ATP8A1: variants seen among roughly 807,000 people sequenced by gnomAD.
ATP8A1 encodes the protein ATPase phospholipid transporting 8A1, also known as phospholipid-transporting ATPase IA.
ATP8A1 carries 90 observed loss-of-function variants against 177.7 expected under a neutral mutation model. The ratio of observed to expected loss-of-function variants is 0.51; its 90% CI spans 0.43 to 0.60. The LOEUF is 0.60. Among genes scored for constraint, ATP8A1 ranks in the 20% least tolerant of loss-of-function variants. The pLI is 0.00. For synonymous variants in ATP8A1, 493 were observed against 485.9 expected, an observed-to-expected ratio of 1.01 and a Z score of -0.19; for missense variants, 1,072 against 1,392.8, an observed-to-expected ratio of 0.77 and a Z score of 3.67.
chr4:42,436,463 T>G (rs1338185489), intron 33 of ATP8A1, among the ~76,000 whole-genome samples: 1 of 152,244 alleles, frequency 6.6e-6, no homozygotes, highest in African/African-American at 2.4e-5. Flanking sequence ...ACGTTTGTCA[T>G]ACCCATGTCT....
At chr4:42,546,847 G>A (rs1356439240) in intron 19 of ATP8A1, among the ~76,000 whole-genome samples, 1 of 152,132 alleles carries the variant, frequency 6.6e-6, no homozygotes, top group African/African-American at 2.4e-5. Flanking sequence ...CTGGCTCTGT[G>A]CTATGACCCT....
rs141887121 is a variant in ATP8A1, at chr4:42,532,959, AAC to A, written c.1723-8114_1723-8113del. ...TGTACGCCTATCCCAAACCTATGAG[AAC>A]TAATGATAATCCCACCACCCTTTGC... is the stretch of plus-strand genomic sequence containing the variant. On this transcript the variant is annotated intron_variant, in intron 20 of 36. Transcript: ENST00000381668. Among the ~76,000 whole-genome samples the A allele has an allele frequency of 3.7e-3, 558 of 152,294 alleles. 3 individuals carry two copies. The highest frequency in any genetic ancestry group is 0.013 in the African/African-American group (532 of 41,556).
chr4:42,563,403 A>G (rs973717556), intron 15 of ATP8A1, among the ~76,000 whole-genome samples: 4 of 152,250 alleles, frequency 2.6e-5, no homozygotes, highest in Non-Finnish European at 1.5e-5. Flanking sequence ...ATTTAGTTTT[A>G]TAAGAGAAGC....
intron 20 of ATP8A1, among the ~76,000 whole-genome samples, chr4:42,542,594 G>GC (rs1396528819): frequency 6.6e-6 from 1 of 151,712 alleles, no homozygotes; most frequent in Admixed American, 6.6e-5. Context: ...CCCTCCCTCA[G>GC]CCCCCCACCC....
intron 16 of ATP8A1, among the ~76,000 whole-genome samples, chr4:42,554,260 A>C (rs1318130162): frequency 1.3e-5 from 2 of 152,190 alleles, no homozygotes; most frequent in Non-Finnish European, 2.9e-5. Flanking sequence ...GGTGAAAATG[A>C]GGATTAACTG....
rs553461553 is a variant in ATP8A1 at position 42,573,707 on chromosome 4, T to A, written c.1295+912A>T. Among the ~76,000 whole-genome samples the A allele has an allele frequency of 9.2e-5, 14 of 152,300 alleles. No individual in the cohort carries two copies. In the South Asian group the frequency reaches 2.9e-3, roughly 32 times the overall value. On this transcript the variant is annotated intron_variant, in intron 14 of 36. Coordinates refer to ENST00000381668, the MANE Select transcript of ATP8A1 (RefSeq NM_006095.2). ...CTTTTGGGATTTTTCATGAAATGTT[T>A]ACTTATTTATAATTTTAACTAAGGC... is the stretch of plus-strand genomic sequence containing the variant.
At chr4:42,495,020 A>C (rs1723121575) in intron 24 of ATP8A1, among the ~76,000 whole-genome samples, 1 of 152,238 alleles carries the variant, frequency 6.6e-6, no homozygotes, top group Admixed American at 6.5e-5. Flanking sequence ...TCTACTATAA[A>C]TTAATTTAAA....
In ATP8A1 at chr4:42,521,247, T is replaced by A. The variant is rs564596359; in HGVS notation, c.1947+913A>T. Among the ~76,000 whole-genome samples, 8 of 152,306 alleles carry A rather than the reference T, an allele frequency of 5.3e-5. No homozygotes were observed. The South Asian group carries it at 1.5e-3, about 28-fold the overall frequency. ...AAGCTAGAGGTTAGAATGAAGTCAC[T>A]TGAATGATTTAGAGCATGAATACTG... On this transcript the variant is annotated intron_variant, in intron 22 of 36. Transcript: ENST00000381668.
chr4:42,436,590 T>C (rs1716026930), intron 33 of ATP8A1, among the ~76,000 whole-genome samples: 1 of 152,214 alleles, frequency 6.6e-6, no homozygotes, highest in Non-Finnish European at 1.5e-5. Flanking sequence ...CATTTACTGT[T>C]GGGGGCATGA....
At chr4:42,442,803 A>G (rs1249287685) in intron 33 of ATP8A1, among the ~76,000 whole-genome samples, 1 of 152,222 alleles carries the variant, frequency 6.6e-6, no homozygotes. Context: ...AAAACAATGT[A>G]CTGTCACGGA....
chr4:42,476,970 T>A (rs1721132617), intron 25 of ATP8A1, among the ~76,000 whole-genome samples: 1 of 152,246 alleles, frequency 6.6e-6, no homozygotes, highest in Admixed American at 6.5e-5. Context: ...GTCTGTTTGA[T>A]ATATATCAAT....
In ATP8A1 at chr4:42,591,485, T is replaced by C. The variant is rs1478599209; in HGVS notation, c.451-601A>G. On this transcript the variant is annotated intron_variant, in intron 6 of 36. Coordinates refer to ENST00000381668, the MANE Select transcript of ATP8A1 (RefSeq NM_006095.2). ...TATGCCTTAGGAAGCTTTGCAGTTA[T>C]GCCTTAGGAAGTCAGAAGGCATAAC... is the stretch of plus-strand genomic sequence containing the variant. 3.9e-5 allele frequency among the ~76,000 whole-genome samples: 6 copies of C among 152,188 alleles called. No homozygotes were observed. In the East Asian group the frequency reaches 5.8e-4, roughly 15 times the overall value.
At chr4:42,529,494 T>C (rs1010069862) in intron 20 of ATP8A1, among the ~76,000 whole-genome samples, 5 of 152,128 alleles carry the variant, frequency 3.3e-5, no homozygotes, top group Admixed American at 2.0e-4. Flanking sequence ...CATCATCAAA[T>C]TGAAGTGGTA....
chr4:42,614,055 C>A (rs1235785799), intron 5 of ATP8A1, among the ~76,000 whole-genome samples: 1 of 152,012 alleles, frequency 6.6e-6, no homozygotes, highest in African/African-American at 2.4e-5. Flanking sequence ...CTTTTCCTCT[C>A]ACTTGCCTAT....
chr4:42,462,206 T>C (rs114873854), intron 27 of ATP8A1, among the ~76,000 whole-genome samples: 23,376 of 152,284 alleles, frequency 0.15, 2,227 homozygotes, highest in South Asian at 0.24. Flanking sequence ...GCCTAAGTAA[T>C]GAGAAGCCAA....
intron 15 of ATP8A1, among the ~76,000 whole-genome samples, chr4:42,565,677 A>G (rs1347360503): frequency 6.6e-6 from 1 of 152,242 alleles, no homozygotes; most frequent in Non-Finnish European, 1.5e-5. Context: ...ATTTGCTTCA[A>G]AATGATAGTG....
At chr4:42,551,496 T>C (rs184422921) in intron 17 of ATP8A1, among the ~76,000 whole-genome samples, 1 of 152,286 alleles carries the variant, frequency 6.6e-6, no homozygotes, top group Admixed American at 6.5e-5. Flanking sequence ...GAACTCAGAG[T>C]TACATTTCCG....
intron 30 of ATP8A1, among the ~76,000 whole-genome samples, chr4:42,449,156 TC>T (rs767576907): frequency 6.6e-6 from 1 of 152,184 alleles, no homozygotes; most frequent in Non-Finnish European, 1.5e-5. Flanking sequence ...TTTGAATGGA[TC>T]TTTTACCCAT....
chr4:42,413,792 C>G (rs1467909870), intron 36 of ATP8A1, among the ~76,000 whole-genome samples: 1 of 152,202 alleles, frequency 6.6e-6, no homozygotes, highest in African/African-American at 2.4e-5. Context: ...AAAGGGCCAA[C>G]TGTACATCAA....
Sources: gnomAD v4.1 joint callset for allele counts (sites outside exome capture counted in the v4.1 genomes callset) on GRCh38, gnomAD v4.1.1 for gene constraint, MANE v1.5 for transcripts, NCBI Gene and HGNC (gene_info 2026-07-23, HGNC 2026-07-21) for gene names.